The following HERC3 variants were observed in gnomAD, a reference collection of about 807,000 sequenced individuals.
HERC3 encodes the protein HECT and RLD domain containing E3 ubiquitin protein ligase 3, also known as probable E3 ubiquitin-protein ligase HERC3.
In HERC3, 58 loss-of-function variants were observed where a neutral mutation model predicts 129.9. The ratio of observed to expected loss-of-function variants is 0.45; its 90% confidence interval spans 0.36 to 0.56. The LOEUF is 0.56. Ranked by LOEUF, HERC3 falls within the 20% of genes least tolerant of loss-of-function variation. The pLI is 0.00. For missense variants in HERC3, 835 were observed against 1,244.2 expected, an observed-to-expected ratio of 0.67 and a Z score of 4.95; for synonymous variants, 430 against 451.0, an observed-to-expected ratio of 0.95 and a Z score of 0.59.
intron 3 of HERC3, among the ~76,000 whole-genome samples, chr4:88,631,984 A>G (rs1311150051): frequency 6.6e-6 from 1 of 152,226 alleles, no homozygotes; most frequent in Non-Finnish European, 1.5e-5. Context: ...CAGAACTTGA[A>G]GTACCACTAA....
chr4:88,610,529 C>A (rs549719395), intron 3 of HERC3, among the ~76,000 whole-genome samples: 1 of 152,158 alleles, frequency 6.6e-6, no homozygotes, highest in South Asian at 2.1e-4. Context: ...TTTTACCCAG[C>A]TCTTGTTTAA....
chr4:88,588,844 G>A (rs1383500114), upstream of HERC3, among the ~76,000 whole-genome samples: 1 of 152,244 alleles, frequency 6.6e-6, no homozygotes, highest in Admixed American at 6.5e-5. Context: ...TAGAAGTGCA[G>A]CAGCCCTGGG....
intron 3 of HERC3, among the ~76,000 whole-genome samples, chr4:88,616,526 G>A (rs1724914828): frequency 6.6e-6 from 1 of 152,214 alleles, no homozygotes; most frequent in African/African-American, 2.4e-5. Context: ...GGCAGTTACT[G>A]TAGACTTCCA....
chr4:88,688,089 G>A (rs1333144003), intron 23 of HERC3, among the ~76,000 whole-genome samples: 1 of 152,206 alleles, frequency 6.6e-6, no homozygotes, highest in East Asian at 1.9e-4. Flanking sequence ...ATAGAATCCA[G>A]TGTATGTGAT....
the HERC3 span, among the ~76,000 whole-genome samples, chr4:88,528,783 A>C: frequency 2.6e-5 from 4 of 152,158 alleles, no homozygotes; most frequent in African/African-American, 4.8e-5. Context: ...TCCTGACTTC[A>C]ACCAGTTACT....
Position 88,670,184 on chromosome 4 carries a change from C to T in HERC3, c.1843C>T (p.Pro615Ser). 1 of 1,613,600 alleles carries T rather than the reference C, an allele frequency of 6.2e-7. No individual in the cohort carries two copies. The highest frequency in any genetic ancestry group is 8.5e-7 in the Non-Finnish European group (1 of 1,179,668). Residue 615 changes from proline (P) to serine (S), a missense_variant, in exon 16 of 26, where the codon CCT (proline) becomes TCT (serine). By Grantham distance (74) the Pro-to-Ser change is moderately conservative (BLOSUM62 -1). Transcript: ENST00000402738. Reference sequence around the variant, plus strand: ...TGTGGAATATGATACATTTTACATTCCTGAGATTTCCAATCTCGTGGACAT... The same window carrying T: ...TGTGGAATATGATACATTTTACATTTCTGAGATTTCCAATCTCGTGGACAT... ...KHVEYDTFYIPEISNLVDIQE... is the reference protein window; with the variant it reads ...KHVEYDTFYISEISNLVDIQE...
chr4:88,600,280 G>T (rs943415400), intron 2 of HERC3, among the ~76,000 whole-genome samples: 14 of 152,282 alleles, frequency 9.2e-5, no homozygotes, highest in African/African-American at 3.1e-4. Flanking sequence ...TCTGTATATA[G>T]TTAGGTTCTG....
chr4:88,690,165 G>A (rs1733925647), intron 23 of HERC3: 1 of 985,060 alleles, frequency 1.0e-6, no homozygotes, highest in Non-Finnish European at 1.2e-6. Flanking sequence ...AGAATCTCTT[G>A]GGGCTAAAAG....
the HERC3 span, among the ~76,000 whole-genome samples, chr4:88,538,668 C>T: frequency 4.6e-5 from 7 of 151,982 alleles, no homozygotes; most frequent in South Asian, 2.1e-4. Context: ...CTCAGCCTCC[C>T]GAGTAGCTGG....
intron 3 of HERC3, among the ~76,000 whole-genome samples, chr4:88,632,268 G>T (rs944445430): frequency 1.3e-5 from 2 of 152,194 alleles, no homozygotes; most frequent in African/African-American, 4.8e-5. Flanking sequence ...CCACTCTGTG[G>T]TGTACGCAGG....
At chr4:88,576,096 A>G in the HERC3 span, among the ~76,000 whole-genome samples, 2 of 152,078 alleles carry the variant, frequency 1.3e-5, no homozygotes, top group Non-Finnish European at 2.9e-5. Flanking sequence ...CCAACCCTCT[A>G]TTCCTAGCTG....
chr4:88,655,197 C>A lies in HERC3; in HGVS notation c.801C>A (p.Gly267=). The A allele has an allele frequency of 2.5e-6, 4 of 1,613,774 alleles. No individual in the cohort carries two copies. The highest frequency in any genetic ancestry group is 3.4e-6 in the Non-Finnish European group (4 of 1,179,814). ...LTKSGGVFTF[G]AGSCGQLGHD... ...AGAGTGGAGGTGTGTTTACCTTTGG[C>A]GCTGGTTCCTGTGGGCAACTTGGAC... is the stretch of plus-strand genomic sequence containing the variant. Residue 267 remains glycine (G), a synonymous_variant, in exon 8 of 26, where the codon GGC becomes GGA. Coordinates refer to ENST00000402738, the MANE Select transcript of HERC3 (RefSeq NM_014606.3).
intron 23 of HERC3, chr4:88,697,942 T>TTGA (rs1734839755): frequency 1.4e-6 from 1 of 720,330 alleles, no homozygotes; most frequent in East Asian, 2.8e-5. Flanking sequence ...GACGGCCGTG[T>TTGA]GCTCATACTG....
the HERC3 span, among the ~76,000 whole-genome samples, chr4:88,568,088 T>A: frequency 6.6e-6 from 1 of 152,224 alleles, no homozygotes; most frequent in African/African-American, 2.4e-5. Context: ...TTTCCAGGAT[T>A]ATTAGACAGA....
the HERC3 span, among the ~76,000 whole-genome samples, chr4:88,572,265 G>T: frequency 6.6e-6 from 1 of 151,848 alleles, no homozygotes; most frequent in African/African-American, 2.4e-5. Context: ...CTCCAAAAAA[G>T]TGTATTCTTT....
In HERC3 at chr4:88,668,002, T is replaced by A. The variant is rs143864361; in HGVS notation, c.1554T>A (p.Asp518Glu). The A allele has an allele frequency of 3.0e-5, 49 of 1,613,406 alleles. No homozygotes were observed. The highest frequency in any genetic ancestry group is 3.7e-5 in the Non-Finnish European group (44 of 1,179,458). ...TACCTGAGTTTCCCCTACTCCAGGA[T>A]TCCAAGTATTATATAACATTGACTA... ...LILPEFPLLQDSKYYITLTIP... is the reference protein window; with the variant it reads ...LILPEFPLLQESKYYITLTIP... Residue 518 changes from aspartate (D) to glutamate (E), a missense_variant, in exon 14 of 26, where the codon GAT (aspartate) becomes GAA (glutamate). Physicochemically the swap from Asp to Glu is conservative, Grantham distance 45. Coordinates refer to ENST00000402738, the MANE Select transcript of HERC3 (RefSeq NM_014606.3).
chr4:88,678,096 A>T lies in HERC3; in HGVS notation c.2158A>T (p.Ser720Cys), dbSNP rs779324637. 1 of 1,614,008 alleles carries T rather than the reference A, an allele frequency of 6.2e-7. No homozygotes were observed. Among genetic ancestry groups the T allele is most frequent in the Non-Finnish European group, 8.5e-7 (1 of 1,179,974 alleles). Residue 720 changes from serine to cysteine, a missense_variant, in exon 19 of 26, where the codon AGC (serine) becomes TGC (cysteine). Ser to Cys is a moderately radical substitution (Grantham distance 112, BLOSUM62 -1). Coordinates refer to ENST00000402738, the MANE Select transcript of HERC3 (RefSeq NM_014606.3). ...NLVGDALREL[S>C]IHSDIDLKKP... ...TGTTGGAGATGCCCTAAGAGAGCTG[A>T]GCATTCATTCTGATATTGATTTGAA...
At chr4:88,543,189 C>T in the HERC3 span, among the ~76,000 whole-genome samples, 1 of 151,978 alleles carries the variant, frequency 6.6e-6, no homozygotes, top group African/African-American at 2.4e-5. Context: ...TTAGAAGATC[C>T]CCTCATCTCA....
intron 16 of HERC3, among the ~76,000 whole-genome samples, chr4:88,675,039 C>CT (rs1322432621): frequency 6.6e-6 from 1 of 152,182 alleles, no homozygotes; most frequent in South Asian, 2.1e-4. Context: ...AAACAAAACT[C>CT]TAACAGCAAT....
Sources: allele counts gnomAD v4.1 joint callset (sites outside exome capture counted in the v4.1 genomes callset), GRCh38; gene constraint gnomAD v4.1.1; transcripts MANE v1.5; gene names NCBI Gene and HGNC (gene_info 2026-07-23, HGNC 2026-07-21).